FRMD5: variants seen among roughly 807,000 people sequenced by gnomAD.
FRMD5 encodes the protein FERM domain-containing protein 5.
Under a neutral mutation model 69.0 loss-of-function variants are expected in FRMD5, and 20 were observed. The ratio of observed to expected loss-of-function variants is 0.29; its 90% CI spans 0.20 to 0.42. The LOEUF (loss-of-function observed/expected upper bound fraction) is 0.42, where lower values mean the gene tolerates loss of function less well. Ranked by LOEUF, FRMD5 falls within the 10% of genes least tolerant of loss-of-function variation. The probability of loss-of-function intolerance (pLI) is 1.00; values close to 1 mark genes in which losing one functional copy is unlikely to be tolerated. For missense variants in FRMD5, 595 were observed against 708.6 expected (o/e 0.84, Z 1.82); for synonymous variants, 271 against 260.1 (o/e 1.04, Z -0.40).
intron 1 of FRMD5, among the ~76,000 whole-genome samples, chr15:43,958,840 C>T (rs917733575): frequency 1.3e-5 from 2 of 152,282 alleles, no homozygotes; most frequent in South Asian, 2.1e-4. Flanking sequence ...TGTTCTTTCC[C>T]GTGTGGTGGT....
chr15:43,951,790 A>G (rs2090033437), intron 1 of FRMD5, among the ~76,000 whole-genome samples: 1 of 152,214 alleles, frequency 6.6e-6, no homozygotes, highest in African/African-American at 2.4e-5. Context: ...TTCACATGCC[A>G]TCAACCAAAA....
Position 43,871,448 on chromosome 15 carries a change from T to G in FRMD5, c.*2437A>C, listed in dbSNP as rs552650779. On this transcript the variant is annotated 3_prime_UTR_variant, in exon 14 of 14. Transcript: ENST00000417257. ...CATAGAAACACCAGATTCTACAAACTGAGGTAGGAGCACTACACTAAAAGG... is the reference window on the plus strand; with the variant it reads ...CATAGAAACACCAGATTCTACAAACGGAGGTAGGAGCACTACACTAAAAGG... 6.6e-6 allele frequency: 1 copy of G among 152,316 alleles called. No homozygotes were observed. The highest frequency in any genetic ancestry group is 2.1e-4 in the South Asian group (1 of 4,824). The allele number at this position is 152,316 out of a possible 1,614,324, so 9.4% of individuals were successfully genotyped here. A position where few individuals can be genotyped will look rare whatever the true frequency, so the allele number is the denominator to read the frequency against.
chr15:44,115,358 G>A (rs757016697), intron 1 of FRMD5, among the ~76,000 whole-genome samples: 1 of 152,082 alleles, frequency 6.6e-6, no homozygotes, highest in Non-Finnish European at 1.5e-5. Context: ...AAACATATAT[G>A]TCACATTGCA....
intron 1 of FRMD5, among the ~76,000 whole-genome samples, chr15:44,028,663 A>G (rs1212051466): frequency 6.6e-6 from 1 of 152,178 alleles, no homozygotes; most frequent in Non-Finnish European, 1.5e-5. Flanking sequence ...GGGGGGTGCA[A>G]CCAGAAGTCA....
At chr15:44,081,563 T>C (rs1893996575) in intron 1 of FRMD5, among the ~76,000 whole-genome samples, 1 of 152,124 alleles carries the variant, frequency 6.6e-6, no homozygotes, top group Non-Finnish European at 1.5e-5. Context: ...AGTCGTTTAC[T>C]TATATTTCAC....
At chr15:44,022,121 G>A (rs1266843412) in intron 1 of FRMD5, among the ~76,000 whole-genome samples, 1 of 152,156 alleles carries the variant, frequency 6.6e-6, no homozygotes, top group Admixed American at 6.5e-5. Context: ...GTGGTTACTT[G>A]GGTCTGTGAG....
At chr15:43,973,300 G>A (rs545470886) in intron 1 of FRMD5, among the ~76,000 whole-genome samples, 1 of 151,576 alleles carries the variant, frequency 6.6e-6, no homozygotes, top group Non-Finnish European at 1.5e-5. Flanking sequence ...GGGATTACAG[G>A]CGTGAGCCAC....
chr15:44,053,994 G>A (rs1892770263), intron 1 of FRMD5, among the ~76,000 whole-genome samples: 1 of 152,216 alleles, frequency 6.6e-6, no homozygotes, highest in African/African-American at 2.4e-5. Flanking sequence ...CATCACATGT[G>A]TGAAAGCAAA....
chr15:44,169,577 T>C (rs936303902), intron 1 of FRMD5, among the ~76,000 whole-genome samples: 1 of 152,142 alleles, frequency 6.6e-6, no homozygotes, highest in Non-Finnish European at 1.5e-5. Flanking sequence ...GAAATGTCAG[T>C]GGATTTCCAG....
At chr15:43,983,933 C>T (rs190211941) in intron 1 of FRMD5, among the ~76,000 whole-genome samples, 5 of 152,324 alleles carry the variant, frequency 3.3e-5, no homozygotes, top group Non-Finnish European at 7.3e-5. Flanking sequence ...CTCAGTTTCC[C>T]TGAACTATGC....
intron 1 of FRMD5, among the ~76,000 whole-genome samples, chr15:43,962,258 A>G (rs1361653206): frequency 1.3e-5 from 2 of 152,216 alleles, no homozygotes; most frequent in East Asian, 1.9e-4. Context: ...TTAAACACCA[A>G]TAACAGACAA....
At chr15:44,015,992 T>C (rs1171825838) in intron 1 of FRMD5, among the ~76,000 whole-genome samples, 1 of 152,144 alleles carries the variant, frequency 6.6e-6, no homozygotes, top group Non-Finnish European at 1.5e-5. Flanking sequence ...TGTGGAGAAG[T>C]TCCCGGTTTA....
At position 44,012,077 on chromosome 15, in the gene FRMD5, C is replaced by T. The variant is rs181418358; in HGVS notation, c.103-87768G>A. On this transcript the variant is annotated intron_variant, in intron 1 of 13. Transcript: ENST00000417257. ...ATCTGTTCACTTTCACTGCTATGTG[C>T]AAATTTCTAAAGACCTTCATTTTAA... is the stretch of plus-strand genomic sequence containing the variant. 5.3e-5 allele frequency among the ~76,000 whole-genome samples: 8 copies of T among 152,276 alleles called. No homozygotes were observed. In the East Asian group the frequency reaches 1.5e-3, roughly 29 times the overall value.
At chr15:43,932,957 C>CT (rs1406840404) in intron 1 of FRMD5, among the ~76,000 whole-genome samples, 4 of 152,206 alleles carry the variant, frequency 2.6e-5, no homozygotes, top group African/African-American at 9.7e-5. Flanking sequence ...TTGAAAGCCC[C>CT]TTGTCACAGC....
At chr15:44,043,963 G>T (rs547711296) in intron 1 of FRMD5, among the ~76,000 whole-genome samples, 4 of 152,200 alleles carry the variant, frequency 2.6e-5, no homozygotes, top group African/African-American at 9.6e-5. Flanking sequence ...CACAACAAAA[G>T]AAACTATCAT....
chr15:44,101,148 C>CA lies in FRMD5; in HGVS notation c.102+93804dup, dbSNP rs367870738. 7.0e-3 allele frequency among the ~76,000 whole-genome samples: 669 copies of CA among 95,164 alleles called. 10 individuals carry two copies. The highest frequency in any genetic ancestry group is 0.026 in the South Asian group (69 of 2,604). The allele number at this position is 95,164 out of a possible 152,430, so 62.4% of individuals were successfully genotyped here. A position where few individuals can be genotyped will look rare whatever the true frequency, so the allele number is the denominator to read the frequency against. ...TGGGCAACCAAGTGATACTCCATCT[C>CA]AAAAAAAAAAACAACAAACAAACAG... On this transcript the variant is annotated intron_variant, in intron 1 of 13. Coordinates refer to ENST00000417257, the MANE Select transcript of FRMD5 (RefSeq NM_032892.5).
At chr15:43,993,501 T>C (rs1889782648) in intron 1 of FRMD5, among the ~76,000 whole-genome samples, 1 of 152,202 alleles carries the variant, frequency 6.6e-6, no homozygotes, top group Non-Finnish European at 1.5e-5. Context: ...CCCTAATATA[T>C]TATTTACCCT....
At chr15:44,007,637 A>ATTTTTT (rs35512441) in intron 1 of FRMD5, among the ~76,000 whole-genome samples, 156 of 81,136 alleles carry the variant, frequency 1.9e-3, no homozygotes, top group Non-Finnish European at 2.4e-3. Flanking sequence ...TAATTAACTA[A>ATTTTTT]TTTTTTTTTT....
At chr15:44,169,012 T>A (rs1215492515) in intron 1 of FRMD5, among the ~76,000 whole-genome samples, 1 of 152,246 alleles carries the variant, frequency 6.6e-6, no homozygotes, top group Non-Finnish European at 1.5e-5. Context: ...CTCTATTTAT[T>A]CTCTCCTGTG....
Sources: gnomAD v4.1 joint callset for allele counts (sites outside exome capture counted in the v4.1 genomes callset) on GRCh38, gnomAD v4.1.1 for gene constraint, MANE v1.5 for transcripts, NCBI Gene and HGNC (gene_info 2026-07-23, HGNC 2026-07-21) for gene names.